PSMB2: variants seen among roughly 807,000 people sequenced by gnomAD.
PSMB2 encodes proteasome subunit beta type-2.
Under a neutral mutation model 25.7 loss-of-function variants are expected in PSMB2, and 13 were observed. The observed-to-expected ratio is 0.51, with a 90% CI of 0.33 to 0.80. The LOEUF (loss-of-function observed/expected upper bound fraction) is 0.80, where lower values mean the gene tolerates loss of function less well. Ranked by LOEUF, PSMB2 falls within the 30% of genes least tolerant of loss-of-function variation. The pLI is 0.02. For missense variants in PSMB2, 202 were observed against 259.0 expected (o/e 0.78, Z 1.51); for synonymous variants, 87 against 96.2 (o/e 0.90, Z 0.56).
chr1:35,637,140 T>C (rs766751710), intron 1 of PSMB2, among the ~76,000 whole-genome samples: 1 of 152,202 alleles, frequency 6.6e-6, no homozygotes, highest in Non-Finnish European at 1.5e-5. Context: ...CCTAAAATGT[T>C]TCCACAACTA....
intron 3 of PSMB2, among the ~76,000 whole-genome samples, chr1:35,620,060 C>T (rs534175418): frequency 6.6e-6 from 1 of 152,264 alleles, no homozygotes; most frequent in East Asian, 1.9e-4. Flanking sequence ...TGCTTTGCTA[C>T]ACGCTTGCAC....
rs577403037 is a variant in PSMB2 at position 35,617,618 on chromosome 1, G to A, written c.286-8210C>T. ...AAGCATCATGCGACATGATGAAGAT[G>A]GGAGTCTGGATCTGGAAGGCACTCA... On this transcript the variant is annotated intron_variant, in intron 3 of 5. Coordinates refer to ENST00000373237, the MANE Select transcript of PSMB2 (RefSeq NM_002794.5). 3.9e-5 allele frequency among the ~76,000 whole-genome samples: 6 copies of A among 152,278 alleles called. No individual in the cohort carries two copies. In the South Asian group the frequency reaches 1.2e-3, roughly 32 times the overall value.
rs199631280 is a variant in PSMB2, at chr1:35,605,196, C to T, written c.498+37G>A. 1.7e-5 allele frequency: 27 copies of T among 1,576,082 alleles called. No homozygotes were observed. In the East Asian group the frequency reaches 4.3e-4, roughly 25 times the overall value. ...GGAACAACACTGGCAAACAGAGAGA[C>T]AAACATTCCTTTCAGGATCCTATGG... On this transcript the variant is annotated intron_variant, in intron 5 of 5. Transcript: ENST00000373237.
In PSMB2 at chr1:35,615,387, C is replaced by T. The variant is rs558952978; in HGVS notation, c.286-5979G>A. ...GGGGGTGGCGAGTGTGCACTGCACA[C>T]AGGCAAACTTTACTTAAGTTAGATT... On this transcript the variant is annotated intron_variant, in intron 3 of 5. Transcript: ENST00000373237. Among the ~76,000 whole-genome samples, 7 of 152,348 alleles carry T rather than the reference C, an allele frequency of 4.6e-5. No individual in the cohort carries two copies. The East Asian group carries it at 1.3e-3, about 29-fold the overall frequency.
intron 4 of PSMB2, among the ~76,000 whole-genome samples, chr1:35,605,977 G>A (rs919275045): frequency 2.0e-5 from 3 of 152,178 alleles, no homozygotes; most frequent in Admixed American, 6.5e-5. Flanking sequence ...AAGGTTGAGC[G>A]AGAGGGCAGC....
In PSMB2 at chr1:35,600,650, G is replaced by A. The variant is rs997995981; in HGVS notation, c.*2617C>T. ...GCTCAGCTTTAGACATACTGAGTTC[G>A]ATGTCCCTAAATCTGGAGGGTGAGC... On this transcript the variant is annotated 3_prime_UTR_variant, in exon 6 of 6. Transcript: ENST00000373237. The A allele has an allele frequency of 4.2e-5, 41 of 985,234 alleles. No individual in the cohort carries two copies. In the African/African-American group the frequency reaches 6.5e-4, roughly 16 times the overall value. The allele number at this position is 985,234 out of a possible 1,614,324, so 61.0% of individuals were successfully genotyped here. A position where few individuals can be genotyped will look rare whatever the true frequency, so the allele number is the denominator to read the frequency against.
intron 1 of PSMB2, among the ~76,000 whole-genome samples, chr1:35,637,173 T>C (rs962269446): frequency 3.3e-5 from 5 of 152,316 alleles, no homozygotes; most frequent in African/African-American, 9.6e-5. Flanking sequence ...ATTATATTTA[T>C]ACACATACAA....
chr1:35,636,522 T>C (rs1405766533), intron 1 of PSMB2, 90 bp from the exon 2 acceptor site: 11 of 1,428,874 alleles, frequency 7.7e-6, no homozygotes, highest in African/African-American at 2.9e-5. Context: ...TATTAATTAC[T>C]ACAGTTGGCC....
chr1:35,618,576 C>T (rs1023469646), intron 3 of PSMB2, among the ~76,000 whole-genome samples: 6 of 151,948 alleles, frequency 3.9e-5, no homozygotes, highest in Admixed American at 1.3e-4. Flanking sequence ...CCCTGATAAA[C>T]GCTGAGTTTA....
chr1:35,621,429 A>G (rs1650678576), intron 3 of PSMB2, among the ~76,000 whole-genome samples: 1 of 152,250 alleles, frequency 6.6e-6, no homozygotes, highest in Non-Finnish European at 1.5e-5. Context: ...ATCAGCAGGT[A>G]TGGAACATCC....
At position 35,599,590 on chromosome 1, in the gene PSMB2, G is replaced by GGGA. The variant is rs1649929213; in HGVS notation, c.*3674_*3676dup. On this transcript the variant is annotated 3_prime_UTR_variant, in exon 6 of 6. Coordinates refer to ENST00000373237, the MANE Select transcript of PSMB2 (RefSeq NM_002794.5). ...AGGTGTAAAGGAGGGAAAGGAAGTGGGGAGTTAGGTTCGGAGAGGATTATG... is the reference window on the plus strand; with the variant it reads ...AGGTGTAAAGGAGGGAAAGGAAGTGGGGAGGAGTTAGGTTCGGAGAGGATTATG... The GGGA allele has an allele frequency of 1.0e-6, 1 of 984,938 alleles. No individual in the cohort carries two copies. The highest frequency in any genetic ancestry group is 1.7e-5 in the African/African-American group (1 of 57,214). The allele number at this position is 984,938 out of a possible 1,614,324, so 61.0% of individuals were successfully genotyped here.
At chr1:35,609,521 T>C (rs984446835) in intron 3 of PSMB2, 113 bp from the exon 4 acceptor site, 12 of 990,148 alleles carry the variant, frequency 1.2e-5, no homozygotes, top group Non-Finnish European at 1.7e-5. Context: ...TAGCAGCAAC[T>C]GAGTAAATCA....
chr1:35,604,316 C>CG (rs1381394335), intron 5 of PSMB2, among the ~76,000 whole-genome samples: 9 of 152,254 alleles, frequency 5.9e-5, no homozygotes, highest in African/African-American at 2.2e-4. Flanking sequence ...ATCCTGTCCT[C>CG]GCAAGCCAAA....
intron 2 of PSMB2, chr1:35,631,582 T>C: frequency 1.8e-6 from 2 of 1,105,784 alleles, no homozygotes; most frequent in Non-Finnish European, 2.3e-6. Flanking sequence ...TATAGTGGAA[T>C]GAAACTTCTA....
chr1:35,609,274 G>A lies in PSMB2; in HGVS notation c.420C>T (p.Leu140=). Reference sequence around the variant, plus strand: ...GTGTGTAGTATCGGTCGAGGATACTGAGAGTCAGGAAGGCACCATAGCCGT... The same window carrying A: ...GTGTGTAGTATCGGTCGAGGATACTAAGAGTCAGGAAGGCACCATAGCCGT... The part of the protein sequence containing the change: ...AAHGYGAFLT[L]SILDRYYTPT... Residue 140 remains leucine, a synonymous_variant, in exon 4 of 6, where the codon CTC becomes CTT. Coordinates refer to ENST00000373237, the MANE Select transcript of PSMB2 (RefSeq NM_002794.5). 3.7e-6 allele frequency: 6 copies of A among 1,609,272 alleles called. No individual in the cohort carries two copies. The highest frequency in any genetic ancestry group is 5.1e-6 in the Non-Finnish European group (6 of 1,177,742).
At chr1:35,639,914 C>T (rs1651344051) in intron 1 of PSMB2, among the ~76,000 whole-genome samples, 1 of 152,040 alleles carries the variant, frequency 6.6e-6, no homozygotes, top group African/African-American at 2.4e-5. Context: ...ATTCATTAAC[C>T]TTTTGAGATA....
rs190079599 is a variant in PSMB2, at chr1:35,631,129, T to C, written c.285+145A>G. 6.4e-4 allele frequency: 454 copies of C among 710,146 alleles called. 1 individual carries two copies. Among genetic ancestry groups the C allele is most frequent in the African/African-American group, 5.0e-3 (278 of 55,824 alleles). The allele number at this position is 710,146 out of a possible 1,614,324, so 44.0% of individuals were successfully genotyped here. A position where few individuals can be genotyped will look rare whatever the true frequency, so the allele number is the denominator to read the frequency against. Reference sequence around the variant, plus strand: ...TTAATAACAACTGTGCACAAAGACATTGGACTTAAGAATGAACAAGTAGCA... The same window carrying C: ...TTAATAACAACTGTGCACAAAGACACTGGACTTAAGAATGAACAAGTAGCA... On this transcript the variant is annotated intron_variant, in intron 3 of 5. Coordinates refer to ENST00000373237, the MANE Select transcript of PSMB2 (RefSeq NM_002794.5).
intron 3 of PSMB2, among the ~76,000 whole-genome samples, chr1:35,627,208 A>G (rs1237566817): frequency 2.8e-5 from 4 of 142,756 alleles, no homozygotes; most frequent in Non-Finnish European, 6.0e-5. Context: ...TTGAGGCTGC[A>G]GTGAGCTGTG....
At chr1:35,632,275 T>C (rs114292527) in intron 2 of PSMB2, among the ~76,000 whole-genome samples, 192 of 152,288 alleles carry the variant, frequency 1.3e-3, no homozygotes, top group African/African-American at 4.0e-3. Context: ...CCCAGAGGAA[T>C]AGCATCAGGT....
Sources: allele counts gnomAD v4.1 joint callset (sites outside exome capture counted in the v4.1 genomes callset), GRCh38; gene constraint gnomAD v4.1.1; transcripts MANE v1.5; gene names NCBI Gene and HGNC (gene_info 2026-07-23, HGNC 2026-07-21).